Variants in SPAG17 observed in about 807,000 individuals in gnomAD.
The protein encoded by SPAG17 is sperm associated antigen 17.
In SPAG17, 169 loss-of-function variants were observed where a neutral mutation model predicts 273.6. That is an observed-to-expected ratio of 0.62 (90% CI 0.55 to 0.70). The LOEUF (loss-of-function observed/expected upper bound fraction) is 0.70. Among genes scored for constraint, SPAG17 ranks in the 30% least tolerant of loss-of-function variants. The probability of loss-of-function intolerance (pLI) is 0.00; values close to 1 mark genes in which losing one functional copy is unlikely to be tolerated. For missense variants in SPAG17, 2,557 were observed against 2,627.8 expected (o/e 0.97, Z 0.59); for synonymous variants, 825 against 873.2 (o/e 0.94, Z 0.97).
chr1:118,177,799 C>A (rs1660762311), intron 1 of SPAG17, among the ~76,000 whole-genome samples: 1 of 151,822 alleles, frequency 6.6e-6, no homozygotes, highest in South Asian at 2.1e-4. Context: ...AACTGAACAC[C>A]AACAATTGGA....
At chr1:118,084,791 C>G (rs543816550) in intron 13 of SPAG17, among the ~76,000 whole-genome samples, 4 of 152,134 alleles carry the variant, frequency 2.6e-5, no homozygotes, top group South Asian at 2.1e-4. Context: ...TACTGGGTAT[C>G]CAGAGACCAG....
chr1:117,971,730 T>C (rs917246350), intron 45 of SPAG17, 133 bp downstream of exon 45: 33 of 670,638 alleles, frequency 4.9e-5, no homozygotes, highest in Non-Finnish European at 7.3e-5. Flanking sequence ...TGTAAATGAC[T>C]GAATGAATAA....
chr1:118,043,704 A>C (rs1177883726), intron 20 of SPAG17, among the ~76,000 whole-genome samples: 2 of 152,180 alleles, frequency 1.3e-5, no homozygotes, highest in African/African-American at 4.8e-5. Flanking sequence ...TTGATTGTTT[A>C]TTATCTAGAT....
At chr1:118,106,711 A>G (rs1019686026) in intron 4 of SPAG17, among the ~76,000 whole-genome samples, 4 of 152,240 alleles carry the variant, frequency 2.6e-5, no homozygotes, top group Admixed American at 2.6e-4. Flanking sequence ...TTTAGATTAA[A>G]TTATTTTAAA....
intron 17 of SPAG17, among the ~76,000 whole-genome samples, chr1:118,069,925 A>G (rs149742278): frequency 1.2e-3 from 187 of 152,334 alleles, no homozygotes; most frequent in African/African-American, 4.3e-3. Flanking sequence ...ATGAAGAAAG[A>G]TAAGTGTCCA....
At chr1:118,022,280 C>T (rs149678510) in intron 28 of SPAG17, among the ~76,000 whole-genome samples, 182 of 152,166 alleles carry the variant, frequency 1.2e-3, no homozygotes, top group African/African-American at 4.3e-3. Context: ...AGAGGATTAG[C>T]TGATTTAATA....
intron 15 of SPAG17, among the ~76,000 whole-genome samples, chr1:118,075,545 A>C (rs941197623): frequency 3.3e-5 from 5 of 152,248 alleles, no homozygotes; most frequent in Non-Finnish European, 7.3e-5. Flanking sequence ...TAATGTATAT[A>C]GCATTTTGCA....
intron 6 of SPAG17, among the ~76,000 whole-genome samples, chr1:118,099,083 T>C (rs12117351): frequency 0.061 from 9,343 of 152,156 alleles, 448 homozygotes; most frequent in East Asian, 0.26. Flanking sequence ...GATGAAGACC[T>C]CAAGGCTCAA....
intron 1 of SPAG17, among the ~76,000 whole-genome samples, chr1:118,163,081 C>T (rs921346949): frequency 6.6e-6 from 1 of 152,152 alleles, no homozygotes; most frequent in African/African-American, 2.4e-5. Flanking sequence ...AGTTCTTCAG[C>T]TTTAATTTTA....
chr1:118,068,034 A>G (rs1483910678), intron 17 of SPAG17, among the ~76,000 whole-genome samples: 2 of 152,132 alleles, frequency 1.3e-5, no homozygotes, highest in Non-Finnish European at 2.9e-5. Flanking sequence ...AATTGTCAAT[A>G]GGAAAAATAA....
chr1:118,048,857 C>T (rs1650670328), intron 20 of SPAG17, among the ~76,000 whole-genome samples: 1 of 152,176 alleles, frequency 6.6e-6, no homozygotes, highest in African/African-American at 2.4e-5. Context: ...GATTGCACCA[C>T]TGCACTCCAG....
intron 24 of SPAG17, chr1:118,036,569 A>T: frequency 3.8e-6 from 1 of 263,814 alleles, no homozygotes; most frequent in Admixed American, 5.4e-5. Flanking sequence ...ATAAAAGATT[A>T]TATATATATA....
At chr1:118,019,007 C>T (rs560505911) in intron 28 of SPAG17, among the ~76,000 whole-genome samples, 4 of 135,436 alleles carry the variant, frequency 3.0e-5, no homozygotes, top group South Asian at 4.6e-4. Context: ...ACACTCCAGC[C>T]TGGGTGACAG....
chr1:117,978,482 C>G (rs750046286), intron 43 of SPAG17, among the ~76,000 whole-genome samples: 5 of 152,182 alleles, frequency 3.3e-5, no homozygotes, highest in Non-Finnish European at 5.9e-5. Flanking sequence ...CAAGTTCTCT[C>G]TGGCATGGAA....
chr1:118,056,511 C>A (rs1268356120), intron 18 of SPAG17, among the ~76,000 whole-genome samples: 2 of 152,160 alleles, frequency 1.3e-5, no homozygotes, highest in Non-Finnish European at 2.9e-5. Flanking sequence ...TTCCCAAATT[C>A]ATTCACATCA....
At chr1:118,051,746 T>G (rs1300429470) in intron 20 of SPAG17, among the ~76,000 whole-genome samples, 2 of 144,914 alleles carry the variant, frequency 1.4e-5, no homozygotes, top group Admixed American at 7.0e-5. Flanking sequence ...GGTTTATATA[T>G]TATATATAGT....
chr1:118,097,606 G>T, intron 7 of SPAG17, 64 bp downstream of exon 7: 1 of 1,310,556 alleles, frequency 7.6e-7, no homozygotes, highest in Non-Finnish European at 1.0e-6. Flanking sequence ...ATGAATAAAT[G>T]GAGCAAATAG....
At chr1:118,149,350 T>G (rs1659246906) in intron 3 of SPAG17, among the ~76,000 whole-genome samples, 1 of 152,172 alleles carries the variant, frequency 6.6e-6, no homozygotes, top group South Asian at 2.1e-4. Context: ...TCATTTCTGA[T>G]TTTTACTGAG....
At chr1:118,175,138 C>G (rs1296548682) in intron 1 of SPAG17, among the ~76,000 whole-genome samples, 2 of 152,186 alleles carry the variant, frequency 1.3e-5, no homozygotes, top group Non-Finnish European at 2.9e-5. Context: ...TCAAGCAATT[C>G]TCCTGCCTCA....
Sources: gnomAD v4.1 joint callset for allele counts (sites outside exome capture counted in the v4.1 genomes callset) on GRCh38, gnomAD v4.1.1 for gene constraint, MANE v1.5 for transcripts, NCBI Gene and HGNC (gene_info 2026-07-23, HGNC 2026-07-21) for gene names.